The following EPC1 variants were observed in gnomAD, a reference collection of about 807,000 sequenced individuals.
EPC1 encodes enhancer of polycomb 1.
Under a neutral mutation model 98.4 loss-of-function variants are expected in EPC1, and 12 were observed. The observed-to-expected ratio is 0.12, with a 90% CI of 0.08 to 0.20. The LOEUF is 0.20. EPC1 is among the 10% of genes least tolerant of loss of function. EPC1 has a pLI of 1.00. For synonymous variants in EPC1, 357 were observed against 363.9 expected (o/e 0.98, Z 0.21); for missense variants, 729 against 990.5 (o/e 0.74, Z 3.54).
chr10:32,367,084 C>T (rs890952744), intron 1 of EPC1, among the ~76,000 whole-genome samples: 2 of 152,176 alleles, frequency 1.3e-5, no homozygotes, highest in East Asian at 3.9e-4. Flanking sequence ...CAACCTCCAG[C>T]TGCTGGGTTC....
chr10:32,269,150 T>TTCAA lies in EPC1; in HGVS notation c.2370-19_2370-16dup. The TTCAA allele has an allele frequency of 6.2e-7, 1 of 1,605,150 alleles. No homozygotes were observed. Among genetic ancestry groups the TTCAA allele is most frequent in the Non-Finnish European group, 8.5e-7 (1 of 1,172,578 alleles). On this transcript the variant is annotated splice_polypyrimidine_tract_variant and intron_variant, in intron 13 of 13. Transcript: ENST00000319778. ...CATGATTTTCCCTGTTGAAATAAAGTTCAATCAATTACTTATCTACAACAT... is the reference window on the plus strand; with the variant it reads ...CATGATTTTCCCTGTTGAAATAAAGTTCAATCAATCAATTACTTATCTACAACAT...
intron 2 of EPC1, among the ~76,000 whole-genome samples, chr10:32,298,400 A>G (rs1835297573): frequency 6.6e-6 from 1 of 152,242 alleles, no homozygotes; most frequent in African/African-American, 2.4e-5. Context: ...TGGATTAGGA[A>G]CAGAATATAC....
intron 2 of EPC1, among the ~76,000 whole-genome samples, chr10:32,297,886 C>T (rs1187233664): frequency 6.6e-6 from 1 of 152,154 alleles, no homozygotes; most frequent in African/African-American, 2.4e-5. Context: ...CAAGCTCCGC[C>T]TCCCGGATTA....
chr10:32,365,903 A>G (rs2133112471), intron 1 of EPC1, among the ~76,000 whole-genome samples: 2 of 138,450 alleles, frequency 1.4e-5, no homozygotes, highest in Middle Eastern at 9.6e-3. Flanking sequence ...GGGGGCCGAG[A>G]TGGGTGGATC....
chr10:32,344,035 C>T (rs1330717434), intron 1 of EPC1, among the ~76,000 whole-genome samples: 2 of 152,082 alleles, frequency 1.3e-5, no homozygotes. Flanking sequence ...GTTACAGTGA[C>T]CTAATAAGAT....
intron 1 of EPC1, among the ~76,000 whole-genome samples, chr10:32,310,565 A>G (rs1325402162): frequency 1.3e-5 from 2 of 152,360 alleles, no homozygotes; most frequent in East Asian, 3.9e-4. Context: ...TTTGTGTATC[A>G]ATATTATAGT....
Position 32,320,543 on chromosome 10 carries a change from T to C in EPC1, c.154-14612A>G, listed in dbSNP as rs141325280. ...AGATTTTATGTATGCCAAAATCCAT[T>C]ATGATCTTCCAAATTAATAATACAG... On this transcript the variant is annotated intron_variant, in intron 1 of 13. Coordinates refer to ENST00000319778, the MANE Select transcript of EPC1 (RefSeq NM_001272004.3). Among the ~76,000 whole-genome samples, 27 of 152,326 alleles carry C rather than the reference T, an allele frequency of 1.8e-4. No homozygotes were observed. In the East Asian group the frequency reaches 5.2e-3, roughly 29 times the overall value.
At chr10:32,295,256 G>A (rs545036213) in intron 2 of EPC1, among the ~76,000 whole-genome samples, 27 of 152,152 alleles carry the variant, frequency 1.8e-4, no homozygotes, top group Admixed American at 1.6e-3. Context: ...TTAAAGTGGG[G>A]GGAAATAACC....
At chr10:32,338,709 CAT>C (rs922073166) in intron 1 of EPC1, among the ~76,000 whole-genome samples, 7 of 152,136 alleles carry the variant, frequency 4.6e-5, no homozygotes, top group African/African-American at 1.2e-4. Context: ...TTTCAGGCCA[CAT>C]GTTTCCTAAC....
intron 1 of EPC1, among the ~76,000 whole-genome samples, chr10:32,365,518 G>A (rs1419004295): frequency 6.6e-6 from 1 of 152,082 alleles, no homozygotes; most frequent in Non-Finnish European, 1.5e-5. Context: ...ATGGAAATAT[G>A]AAGAGTACAT....
At chr10:32,330,762 G>A (rs1238862169) in intron 1 of EPC1, among the ~76,000 whole-genome samples, 7 of 152,088 alleles carry the variant, frequency 4.6e-5, no homozygotes, top group Admixed American at 1.3e-4. Flanking sequence ...AAAGTACTAC[G>A]CATCCTTGAG....
intron 1 of EPC1, among the ~76,000 whole-genome samples, chr10:32,328,159 A>T (rs1182545888): frequency 6.6e-6 from 1 of 152,240 alleles, no homozygotes; most frequent in Non-Finnish European, 1.5e-5. Flanking sequence ...AATCAAGAGT[A>T]TGAGCATCAT....
chr10:32,281,815 G>A lies in EPC1; in HGVS notation c.1744+2883C>T, dbSNP rs368308228. On this transcript the variant is annotated intron_variant, in intron 10 of 13. Coordinates refer to ENST00000319778, the MANE Select transcript of EPC1 (RefSeq NM_001272004.3). ...TTCCTGAGTAGCTGGGATTACAGGC[G>A]CCTGCCATCATGCCCAGCTAATTTT... is the stretch of plus-strand genomic sequence containing the variant. 1.8e-3 allele frequency: 275 copies of A among 152,094 alleles called. 1 individual carries two copies. The highest frequency in any genetic ancestry group is 1.8e-3 in the Non-Finnish European group (124 of 68,036). 9.4% of individuals were successfully genotyped at this position (152,094 alleles called of 1,614,324 possible).
At chr10:32,328,001 A>G (rs1473438504) in intron 1 of EPC1, among the ~76,000 whole-genome samples, 1 of 152,212 alleles carries the variant, frequency 6.6e-6, no homozygotes, top group African/African-American at 2.4e-5. Context: ...AAATTTTAAA[A>G]TTGACCAGAG....
intron 1 of EPC1, among the ~76,000 whole-genome samples, chr10:32,375,899 ATT>A (rs1839861786): frequency 6.6e-6 from 1 of 152,008 alleles, no homozygotes; most frequent in Admixed American, 6.5e-5. Context: ...TAATCCAAAA[ATT>A]TGTTATAATT....
intron 2 of EPC1, among the ~76,000 whole-genome samples, chr10:32,300,836 C>A (rs1835480684): frequency 6.6e-6 from 1 of 152,120 alleles, no homozygotes; most frequent in African/African-American, 2.4e-5. Flanking sequence ...CGACACACCA[C>A]CATCATTTTT....
rs541417562 is a variant in EPC1 at position 32,344,546 on chromosome 10, G to C, written c.153+2217C>G. On this transcript the variant is annotated intron_variant, in intron 1 of 13. Coordinates refer to ENST00000319778, the MANE Select transcript of EPC1 (RefSeq NM_001272004.3). ...CATGCCTGTAATCCCAGCACTTTGG[G>C]AGGTCGAGGCGGGCGGATCACCTGA... Among the ~76,000 whole-genome samples the C allele has an allele frequency of 2.7e-3, 413 of 152,236 alleles. 5 individuals are homozygous for C. Among genetic ancestry groups the C allele is most frequent in the Middle Eastern group, 0.014 (4 of 294 alleles).
intron 1 of EPC1, among the ~76,000 whole-genome samples, chr10:32,364,270 G>T (rs1261470028): frequency 6.6e-6 from 1 of 151,748 alleles, no homozygotes; most frequent in African/African-American, 2.4e-5. Context: ...TTGTCCTCAG[G>T]TGATCTGCCC....
chr10:32,299,112 T>C lies in EPC1; in HGVS notation c.314-5375A>G, dbSNP rs536834114. Among the ~76,000 whole-genome samples the C allele has an allele frequency of 2.0e-5, 3 of 152,362 alleles. No homozygotes were observed. In the East Asian group the frequency reaches 5.8e-4, roughly 29 times the overall value. ...GTGCTCGTGCTTGTGTGCACTTTCA[T>C]TATGCAGGCTCACTCTTTATTTTTT... On this transcript the variant is annotated intron_variant, in intron 2 of 13. Coordinates refer to ENST00000319778, the MANE Select transcript of EPC1 (RefSeq NM_001272004.3).
Sources: allele counts gnomAD v4.1 joint callset (sites outside exome capture counted in the v4.1 genomes callset), GRCh38; gene constraint gnomAD v4.1.1; transcripts MANE v1.5; gene names NCBI Gene and HGNC (gene_info 2026-07-23, HGNC 2026-07-21).